The following SMG1 variants were observed in gnomAD, a reference collection of about 807,000 sequenced individuals.
SMG1 encodes serine/threonine-protein kinase SMG1.
In SMG1, 22 loss-of-function variants were observed where a neutral mutation model predicts 419.9. That is an observed-to-expected ratio of 0.05 (90% confidence interval 0.04 to 0.07). The LOEUF (loss-of-function observed/expected upper bound fraction) is 0.07, where lower values mean the gene tolerates loss of function less well. Ranked by LOEUF, SMG1 falls within the 10% of genes least tolerant of loss-of-function variation. The pLI is 1.00. For synonymous variants in SMG1, 1,538 were observed against 1,553.5 expected (o/e 0.99, Z 0.23); for missense variants, 3,185 against 4,342.0 (o/e 0.73, Z 7.49).
At chr16:18,845,953 C>T (rs2141340720) in intron 38 of SMG1, among the ~76,000 whole-genome samples, 1 of 152,056 alleles carries the variant, frequency 6.6e-6, no homozygotes, top group East Asian at 1.9e-4. Context: ...GTAGCTGCGA[C>T]TACACACGCG....
chr16:18,818,401 A>C (rs1567317521), intron 56 of SMG1, among the ~76,000 whole-genome samples: 1 of 151,648 alleles, frequency 6.6e-6, no homozygotes, highest in Admixed American at 6.6e-5. Flanking sequence ...AAACAAAAAA[A>C]ATTTTTTTTT....
intron 3 of SMG1, among the ~76,000 whole-genome samples, chr16:18,894,507 T>G (rs1475031864): frequency 6.6e-6 from 1 of 152,128 alleles, no homozygotes; most frequent in Admixed American, 6.5e-5. Flanking sequence ...GCTTCTATAA[T>G]ATCATAAGTC....
rs2034505749 is a variant in SMG1, at chr16:18,850,110, T to G, written c.5300A>C (p.Asp1767Ala). The change falls in exon 35 of 63, where the codon GAT (aspartate) becomes GCT (alanine). Residue 1767 changes from aspartate (D) to alanine (A), a missense_variant. Physicochemically the swap from Asp to Ala is moderately radical, Grantham distance 126. Around this residue, in one of 27 missense-constraint regions of SMG1, gnomAD observed 493 missense variants for 552.9 expected, o/e 0.89. Coordinates refer to ENST00000446231, the MANE Select transcript of SMG1 (RefSeq NM_015092.5). ...GTGACTTAAATGCAGCCTAGGGTCA[T>G]CCTCATCTAAAGGAATCTAAGAGTG... ...LNAGQIPLDEDDPRLHLSHRV... is the reference protein window; with the variant it reads ...LNAGQIPLDEADPRLHLSHRV... 6.2e-7 allele frequency: 1 copy of G among 1,613,596 alleles called. No individual in the cohort carries two copies. Among genetic ancestry groups the G allele is most frequent in the Admixed American group, 1.7e-5 (1 of 59,952 alleles).
At chr16:18,886,362 A>G (rs2036611953) in intron 6 of SMG1, among the ~76,000 whole-genome samples, 1 of 152,236 alleles carries the variant, frequency 6.6e-6, no homozygotes, top group South Asian at 2.1e-4. Context: ...TAAAATAAAT[A>G]TAGGGCAAAA....
At chr16:18,887,366 T>C (rs1443858310) in intron 6 of SMG1, among the ~76,000 whole-genome samples, 5 of 151,886 alleles carry the variant, frequency 3.3e-5, no homozygotes, top group Admixed American at 3.3e-4. Context: ...TTTTGTTTTT[T>C]TGAGATAGGG....
At chr16:18,867,700 C>CTTTTTTTTT (rs778044384) in intron 22 of SMG1, among the ~76,000 whole-genome samples, 1 of 87,876 alleles carries the variant, frequency 1.1e-5, no homozygotes, top group Non-Finnish European at 2.1e-5. Flanking sequence ...ATTTTAACTT[C>CTTTTTTTTT]TTTTTTTTTT....
chr16:18,836,307 T>G, intron 47 of SMG1, 53 bp downstream of exon 47: 1 of 1,595,364 alleles, frequency 6.3e-7, no homozygotes, highest in African/African-American at 1.3e-5. Flanking sequence ...CAAACACACA[T>G]GACTATAAAA....
chr16:18,871,607 A>C, intron 15 of SMG1, 125 bp from the exon 16 acceptor site: 1 of 460,742 alleles, frequency 2.2e-6, no homozygotes, highest in Non-Finnish European at 3.9e-6. Flanking sequence ...ATAAAAAATA[A>C]AAATAAAAAA....
intron 1 of SMG1, among the ~76,000 whole-genome samples, chr16:18,903,611 T>C (rs1279236395): frequency 1.3e-5 from 2 of 152,200 alleles, no homozygotes; most frequent in Non-Finnish European, 2.9e-5. Flanking sequence ...ATCCAAGCAG[T>C]TTACATACGT....
At chr16:18,837,196 A>C in intron 46 of SMG1, 57 bp downstream of exon 46, 1 of 1,417,890 alleles carries the variant, frequency 7.1e-7, no homozygotes. Flanking sequence ...TGTTTACATG[A>C]ATATGAAAAT....
chr16:18,872,526 A>C lies in SMG1; in HGVS notation c.1989T>G (p.Ala663=), dbSNP rs2035879090. The C allele has an allele frequency of 1.3e-6, 2 of 1,548,524 alleles. No homozygotes were observed. Among genetic ancestry groups the C allele is most frequent in the East Asian group, 4.7e-5 (2 of 42,980 alleles). The part of the protein sequence containing the change: ...LAVHFPAIQY[A]VLYTLYSHCT... Reference sequence around the variant, plus strand: ...AATGAGAATACAATGTGTAGAGCACAGCATACTGAATGGCAGGGAAGTGAA... The same window carrying C: ...AATGAGAATACAATGTGTAGAGCACCGCATACTGAATGGCAGGGAAGTGAA... The change falls in exon 14 of 63, where the codon GCT becomes GCG. Residue 663 remains alanine, a synonymous_variant. Coordinates refer to ENST00000446231, the MANE Select transcript of SMG1 (RefSeq NM_015092.5).
intron 1 of SMG1, among the ~76,000 whole-genome samples, chr16:18,908,210 AC>A (rs2037647182): frequency 6.6e-6 from 1 of 151,924 alleles, no homozygotes; most frequent in South Asian, 2.1e-4. Flanking sequence ...TACTAAAAAT[AC>A]AAAAAAATTA....
At chr16:18,839,472 C>T (rs1321411327) in intron 42 of SMG1, among the ~76,000 whole-genome samples, 1 of 152,100 alleles carries the variant, frequency 6.6e-6, no homozygotes, top group East Asian at 1.9e-4. Flanking sequence ...TGTTAATTTG[C>T]TTAGGATCTC....
At chr16:18,885,043 T>G in intron 8 of SMG1, 47 bp downstream of exon 8, 1 of 648,870 alleles carries the variant, frequency 1.5e-6, no homozygotes, top group East Asian at 2.7e-5. Flanking sequence ...GGACCACTGC[T>G]CCTCCCCGAC....
chr16:18,852,513 A>G, intron 31 of SMG1, 51 bp from the exon 32 acceptor site: 16 of 1,377,336 alleles, frequency 1.2e-5, no homozygotes, highest in Non-Finnish European at 1.5e-5. Context: ...CAACAATGTT[A>G]CATTCATAAA....
At chr16:18,836,711 T>A (rs939481656) in intron 46 of SMG1, among the ~76,000 whole-genome samples, 179 bp from the exon 47 acceptor site, 1 of 152,192 alleles carries the variant, frequency 6.6e-6, no homozygotes, top group African/African-American at 2.4e-5. Flanking sequence ...CCCTCAACCA[T>A]GCTCATGACA....
intron 1 of SMG1, among the ~76,000 whole-genome samples, chr16:18,912,382 ATAAG>A (rs1030839222): frequency 2.6e-4 from 40 of 152,076 alleles, no homozygotes; most frequent in African/African-American, 6.0e-4. Context: ...ACCACAAAAT[ATAAG>A]TAAGCAAAGT....
intron 8 of SMG1, 76 bp downstream of exon 8, chr16:18,885,014 T>C: frequency 3.1e-6 from 2 of 655,026 alleles, no homozygotes; most frequent in Non-Finnish European, 5.4e-6. Flanking sequence ...AGAAATGGTA[T>C]TGATAGATGG....
intron 1 of SMG1, chr16:18,911,523 T>C (rs2037792853): frequency 6.6e-6 from 1 of 151,962 alleles, no homozygotes; most frequent in Admixed American, 6.6e-5. Context: ...AAAGAAAATG[T>C]AGAAAGAGAG....
Sources: allele counts gnomAD v4.1 joint callset (sites outside exome capture counted in the v4.1 genomes callset), GRCh38; gene constraint gnomAD v4.1.1; regional missense constraint gnomAD v4.1.1; transcripts MANE v1.5; gene names NCBI Gene and HGNC (gene_info 2026-07-23, HGNC 2026-07-21).